The following SIPA1L3 variants were observed in gnomAD, a reference collection of about 807,000 sequenced individuals.
SIPA1L3 encodes the protein signal-induced proliferation-associated 1-like protein 3.
SIPA1L3 carries 59 observed loss-of-function variants against 150.1 expected under a neutral mutation model. The ratio of observed to expected loss-of-function variants is 0.39; its 90% CI spans 0.32 to 0.49. The LOEUF is 0.49. Among genes scored for constraint, SIPA1L3 ranks in the 20% least tolerant of loss-of-function variants. The probability of loss-of-function intolerance (pLI) is 0.86; values close to 1 mark genes in which losing one functional copy is unlikely to be tolerated. For synonymous variants in SIPA1L3, 1,070 were observed against 1,077.6 expected (o/e 0.99, Z 0.14); for missense variants, 2,211 against 2,489.5 (o/e 0.89, Z 2.38).
intron 1 of SIPA1L3, among the ~76,000 whole-genome samples, chr19:37,989,127 G>A (rs1967435000): frequency 6.6e-6 from 1 of 152,244 alleles, no homozygotes; most frequent in Admixed American, 6.5e-5. Context: ...AGGAGGGAAT[G>A]AGTGAACTGC....
chr19:38,205,835 A>G (rs942633938), intron 21 of SIPA1L3, among the ~76,000 whole-genome samples: 10 of 152,208 alleles, frequency 6.6e-5, no homozygotes, highest in Non-Finnish European at 1.0e-4. Context: ...ATGACTCCAC[A>G]TGTGGTTGCG....
intron 15 of SIPA1L3, among the ~76,000 whole-genome samples, chr19:38,173,339 C>T (rs1367788263): frequency 6.6e-6 from 1 of 152,228 alleles, no homozygotes; most frequent in Non-Finnish European, 1.5e-5. Flanking sequence ...CATCGATGAC[C>T]TCACAGATGC....
intron 16 of SIPA1L3, among the ~76,000 whole-genome samples, chr19:38,183,923 G>A (rs541962360): frequency 6.6e-6 from 1 of 152,316 alleles, no homozygotes; most frequent in South Asian, 2.1e-4. Flanking sequence ...CCCAGAGGTC[G>A]CCGGAGGGTT....
rs1044932548 is a variant in SIPA1L3, at chr19:38,069,811, C to T, written c.-310-11445C>T. On this transcript the variant is annotated intron_variant, in intron 2 of 21. Coordinates refer to ENST00000222345, the MANE Select transcript of SIPA1L3 (RefSeq NM_015073.3). The stretch of plus-strand genomic sequence containing the variant: ...TCCCAAGTAGCTGGGACCACAGGCA[C>T]GCGCCACTATACCTGGTTAATTTTT... Among the ~76,000 whole-genome samples, 6 of 151,162 alleles carry T rather than the reference C, an allele frequency of 4.0e-5. No homozygotes were observed. In the East Asian group the frequency reaches 5.9e-4, roughly 15 times the overall value.
At chr19:37,937,390 C>T (rs2046609857) in intron 1 of SIPA1L3, among the ~76,000 whole-genome samples, 1 of 152,072 alleles carries the variant, frequency 6.6e-6, no homozygotes, top group Non-Finnish European at 1.5e-5. Flanking sequence ...GAAGTGACCA[C>T]CATCTTGAAT....
intron 3 of SIPA1L3, among the ~76,000 whole-genome samples, chr19:38,086,392 A>G (rs532271734): frequency 6.6e-6 from 1 of 152,318 alleles, no homozygotes; most frequent in East Asian, 1.9e-4. Context: ...CTGTTAAAGA[A>G]AAAAACGTTC....
intron 1 of SIPA1L3, among the ~76,000 whole-genome samples, chr19:37,997,020 C>G (rs1967651351): frequency 6.6e-6 from 1 of 151,964 alleles, no homozygotes. Flanking sequence ...TTTATACTAG[C>G]CCCAGGGAAT....
chr19:38,081,609 C>A lies in SIPA1L3; in HGVS notation c.44C>A (p.Ala15Glu). The change falls in exon 3 of 22, where the codon GCA becomes GAA. Residue 15 changes from alanine (A) to glutamate (E), a missense_variant. By Grantham distance (107) the Ala-to-Glu change is moderately radical (BLOSUM62 -1). Around this residue, in one of 5 missense-constraint regions of SIPA1L3, gnomAD observed 130 missense variants for 174.5 expected, o/e 0.74. Transcript: ENST00000222345. ...RAIPSDGVDL[A>E]ASCGARVGDV... is the part of the protein sequence containing the mutation. ...ATCCCCAGCGATGGTGTGGACCTGG[C>A]AGCCAGCTGTGGCGCCAGGGTGGGC... is the stretch of plus-strand genomic sequence containing the variant. 6.2e-7 allele frequency: 1 copy of A among 1,601,510 alleles called. No individual in the cohort carries two copies. Among genetic ancestry groups the A allele is most frequent in the Non-Finnish European group, 8.5e-7 (1 of 1,171,588 alleles).
intron 1 of SIPA1L3, among the ~76,000 whole-genome samples, chr19:37,910,768 C>G (rs1458831330): frequency 1.3e-5 from 2 of 152,264 alleles, no homozygotes; most frequent in South Asian, 4.1e-4. Context: ...CCATGCCTGG[C>G]TAATTTTTGT....
chr19:38,199,433 C>T (rs190713493), intron 19 of SIPA1L3, among the ~76,000 whole-genome samples: 257 of 152,344 alleles, frequency 1.7e-3, no homozygotes, highest in Admixed American at 5.2e-3. Context: ...GAGCCCCTTA[C>T]CCACTCCCAG....
chr19:38,123,115 C>T (rs1382483549), intron 9 of SIPA1L3, among the ~76,000 whole-genome samples: 1 of 152,190 alleles, frequency 6.6e-6, no homozygotes, highest in Non-Finnish European at 1.5e-5. Context: ...AGCTCTGCGT[C>T]AGACCCTGCT....
chr19:38,147,324 C>T (rs1346524863), intron 12 of SIPA1L3, among the ~76,000 whole-genome samples: 1 of 152,186 alleles, frequency 6.6e-6, no homozygotes, highest in African/African-American at 2.4e-5. Context: ...CTTGGCCTCC[C>T]AAAGTGCTGG....
At chr19:38,195,396 C>T (rs1972899663) in intron 18 of SIPA1L3, among the ~76,000 whole-genome samples, 1 of 152,212 alleles carries the variant, frequency 6.6e-6, no homozygotes. Flanking sequence ...GTTCCTGCAG[C>T]GCCTGCTGTG....
intron 9 of SIPA1L3, among the ~76,000 whole-genome samples, chr19:38,126,896 A>G (rs745695286): frequency 1.2e-4 from 19 of 152,304 alleles, no homozygotes; most frequent in Non-Finnish European, 2.2e-4. Context: ...GGAATCATAT[A>G]AGAACCCCAG....
At position 38,110,389 on chromosome 19, in the gene SIPA1L3, G is replaced by GC. The variant is rs1406290717; in HGVS notation, c.2291+11dup. 7 of 1,610,770 alleles carry GC rather than the reference G, an allele frequency of 4.3e-6. No individual in the cohort carries two copies. Among genetic ancestry groups the GC allele is most frequent in the African/African-American group, 1.3e-5 (1 of 74,806 alleles). On this transcript the variant is annotated splice_donor_region_variant and intron_variant, in intron 8 of 21. Coordinates refer to ENST00000222345, the MANE Select transcript of SIPA1L3 (RefSeq NM_015073.3). ...CACTGATAACGTCTGTTACAGGTAT[G>GC]CCCCCCACACCCGGCCCCCAGCAGC...
At chr19:38,134,312 TG>T (rs916288769) in intron 10 of SIPA1L3, among the ~76,000 whole-genome samples, 8 of 146,726 alleles carry the variant, frequency 5.5e-5, no homozygotes, top group African/African-American at 2.0e-4. Flanking sequence ...CTAGGTGTGA[TG>T]GCACATGCAT....
intron 21 of SIPA1L3, among the ~76,000 whole-genome samples, chr19:38,205,565 G>A (rs999295445): frequency 3.9e-5 from 6 of 152,070 alleles, no homozygotes; most frequent in South Asian, 2.1e-4. Flanking sequence ...TCTTCGAGCC[G>A]TGGAATCAAA....
chr19:37,966,320 C>T (rs970402253), intron 1 of SIPA1L3, among the ~76,000 whole-genome samples: 2 of 152,138 alleles, frequency 1.3e-5, no homozygotes, highest in Non-Finnish European at 2.9e-5. Context: ...CCCCTTGCCT[C>T]GGGCTCAGTG....
At chr19:38,176,359 T>A (rs1221609094) in intron 15 of SIPA1L3, among the ~76,000 whole-genome samples, 1 of 151,906 alleles carries the variant, frequency 6.6e-6, no homozygotes, top group African/African-American at 2.4e-5. Context: ...TTAATTAGAC[T>A]TTTTTTAGGG....
Sources: gnomAD v4.1 joint callset for allele counts (sites outside exome capture counted in the v4.1 genomes callset) on GRCh38, gnomAD v4.1.1 for gene constraint, gnomAD v4.1.1 regional missense constraint, MANE v1.5 for transcripts, NCBI Gene and HGNC (gene_info 2026-07-23, HGNC 2026-07-21) for gene names.